Variants in UBE2U observed in about 807,000 individuals in gnomAD.
The protein encoded by UBE2U is ubiquitin-conjugating enzyme E2 U.
UBE2U carries 39 observed loss-of-function variants against 41.2 expected under a neutral mutation model. The observed-to-expected ratio is 0.95, with a 90% CI of 0.73 to 1.24. The LOEUF (loss-of-function observed/expected upper bound fraction) is 1.24. Among genes scored for constraint, UBE2U ranks in the 50% most tolerant of loss-of-function variants. The probability of loss-of-function intolerance (pLI) is 0.00; values close to 1 mark genes in which losing one functional copy is unlikely to be tolerated. For missense variants in UBE2U, 336 were observed against 363.1 expected (o/e 0.93, Z 0.61); for synonymous variants, 107 against 117.8 (o/e 0.91, Z 0.60).
chr1:64,235,309 G>T (rs1411939084), intron 7 of UBE2U, among the ~76,000 whole-genome samples: 1 of 152,190 alleles, frequency 6.6e-6, no homozygotes, highest in Non-Finnish European at 1.5e-5. Flanking sequence ...CTTGGTGCAT[G>T]ATTTCACAAT....
At position 64,244,529 on chromosome 1, in the gene UBE2U, C is replaced by A. The variant is rs149335542; in HGVS notation, c.677+2796C>A. 4.3e-3 allele frequency among the ~76,000 whole-genome samples: 657 copies of A among 152,204 alleles called. 4 individuals carry two copies. Among genetic ancestry groups the A allele is most frequent in the African/African-American group, 0.015 (625 of 41,526 alleles). On this transcript the variant is annotated intron_variant, in intron 8 of 9. Transcript: ENST00000371077. The stretch of plus-strand genomic sequence containing the variant: ...TCTTTTCTCAGGTTAGAAAACAACA[C>A]CTATCATAACTACATTTATTGTAGT...
chr1:64,217,814 G>T (rs1175666072), intron 5 of UBE2U, among the ~76,000 whole-genome samples: 1 of 152,132 alleles, frequency 6.6e-6, no homozygotes, highest in Non-Finnish European at 1.5e-5. Flanking sequence ...TAGGGAGATT[G>T]TAATACTAAT....
chr1:64,238,280 C>T (rs12079543), intron 7 of UBE2U, among the ~76,000 whole-genome samples: 2,122 of 152,008 alleles, frequency 0.014, 47 homozygotes, highest in African/African-American at 0.049. Context: ...TGGCGCATGC[C>T]TATAATTCCA....
chr1:64,207,002 A>T (rs917141146), intron 3 of UBE2U, 146 bp downstream of exon 3: 2 of 634,306 alleles, frequency 3.2e-6, no homozygotes, highest in African/African-American at 3.8e-5. Context: ...GGCTGGAAAA[A>T]ATTAGCAATC....
At chr1:64,218,041 C>T (rs1256871193) in intron 5 of UBE2U, among the ~76,000 whole-genome samples, 3 of 152,034 alleles carry the variant, frequency 2.0e-5, no homozygotes, top group East Asian at 1.9e-4. Flanking sequence ...TCCAGGTTGC[C>T]GTTTCTTTTT....
At chr1:64,249,271 A>C (rs1644968559) in intron 8 of UBE2U, among the ~76,000 whole-genome samples, 1 of 151,000 alleles carries the variant, frequency 6.6e-6, no homozygotes, top group Admixed American at 6.6e-5. Flanking sequence ...CTAGCTACTC[A>C]GGAGGCTGAA....
chr1:64,210,790 A>C lies in UBE2U; in HGVS notation c.290A>C (p.Glu97Ala). The C allele has an allele frequency of 6.2e-7, 1 of 1,608,218 alleles. No individual in the cohort carries two copies. The highest frequency in any genetic ancestry group is 8.5e-7 in the Non-Finnish European group (1 of 1,176,340). Residue 97 changes from glutamate to alanine, a missense_variant, in exon 4 of 10, where the codon GAG (glutamate) becomes GCG (alanine). Transcript: ENST00000371077. ...QPCIDFLDNP[E>A]KWNTNYTLSS... ...TGTATAGACTTTTTGGACAACCCTGAGAAGTGGAATACAAACTATACATTG... is the reference window on the plus strand; with the variant it reads ...TGTATAGACTTTTTGGACAACCCTGCGAAGTGGAATACAAACTATACATTG...
At chr1:64,213,257 A>T (rs1651769309) in intron 4 of UBE2U, among the ~76,000 whole-genome samples, 1 of 152,158 alleles carries the variant, frequency 6.6e-6, no homozygotes, top group Admixed American at 6.5e-5. Context: ...TTCAGATAAA[A>T]AAAACATTCA....
At chr1:64,257,102 C>T (rs1645106024) in intron 8 of UBE2U, among the ~76,000 whole-genome samples, 1 of 152,002 alleles carries the variant, frequency 6.6e-6, no homozygotes, top group African/African-American at 2.4e-5. Context: ...ATTAAAAAGT[C>T]AAAAAACAAC....
chr1:64,262,250 C>G (rs1473527543), intron 9 of UBE2U, among the ~76,000 whole-genome samples: 1 of 152,202 alleles, frequency 6.6e-6, no homozygotes, highest in African/African-American at 2.4e-5. Flanking sequence ...GCACTTCTAC[C>G]ATAGCCGTAT....
At chr1:64,239,964 G>A (rs1411578321) in intron 7 of UBE2U, among the ~76,000 whole-genome samples, 2 of 152,126 alleles carry the variant, frequency 1.3e-5, no homozygotes, top group African/African-American at 4.8e-5. Context: ...CACAATGGTT[G>A]AACTAGTTTA....
Position 64,232,627 on chromosome 1 carries a change from C to T in UBE2U, c.573C>T (p.Ala191=). The T allele has an allele frequency of 6.2e-7, 1 of 1,613,142 alleles. No individual in the cohort carries two copies. Among genetic ancestry groups the T allele is most frequent in the Non-Finnish European group, 8.5e-7 (1 of 1,179,412 alleles). ...GGTCCAGAATAGCTACATCAAAAGC[C>T]ACAGAATACTACAGAACTCCATGTA... ...QTWSRIATSK[A]TEYYRTPLLK... is the part of the protein sequence containing the mutation. Residue 191 remains alanine (A), a synonymous_variant, in exon 7 of 10, where the codon GCC becomes GCT. Transcript: ENST00000371077.
At chr1:64,207,972 TA>T (rs1341341123) in intron 3 of UBE2U, among the ~76,000 whole-genome samples, 1 of 151,364 alleles carries the variant, frequency 6.6e-6, no homozygotes, top group Non-Finnish European at 1.5e-5. Context: ...ATAAAGCAAT[TA>T]AAAAATGGAG....
At chr1:64,219,161 A>G (rs1178048945) in intron 5 of UBE2U, among the ~76,000 whole-genome samples, 1 of 152,210 alleles carries the variant, frequency 6.6e-6, no homozygotes, top group Non-Finnish European at 1.5e-5. Flanking sequence ...TAAAAATGTA[A>G]TTACGTTACT....
rs371445687 is a variant in UBE2U at position 64,215,691 on chromosome 1, A to G, written c.457+759A>G. On this transcript the variant is annotated intron_variant, in intron 5 of 9. Transcript: ENST00000371077. ...CCCCAGGAATTCCTTCTAAGAATCC[A>G]TGTGGAAATAGAGCCTGAAGCTCTT... Among the ~76,000 whole-genome samples, 42 of 152,310 alleles carry G rather than the reference A, an allele frequency of 2.8e-4. 4 individuals carry two copies. In the South Asian group the frequency reaches 5.0e-3, roughly 18 times the overall value.
chr1:64,213,753 C>T (rs1279262890), intron 4 of UBE2U, among the ~76,000 whole-genome samples: 2 of 152,202 alleles, frequency 1.3e-5, no homozygotes, highest in African/African-American at 4.8e-5. Flanking sequence ...AGGATACATT[C>T]TGAGAAATGA....
At chr1:64,228,855 A>ATTT (rs56873849) in intron 6 of UBE2U, among the ~76,000 whole-genome samples, 21 of 93,880 alleles carry the variant, frequency 2.2e-4, no homozygotes, top group East Asian at 9.4e-4. Context: ...TGCCCAGGTA[A>ATTT]TTTTTTTTTT....
At chr1:64,239,056 A>AAGAG (rs1557729220) in intron 7 of UBE2U, among the ~76,000 whole-genome samples, 4 of 65,984 alleles carry the variant, frequency 6.1e-5, no homozygotes, top group East Asian at 2.5e-4. Context: ...AAGAAGAAGA[A>AAGAG]GAAGAAGAAG....
chr1:64,254,941 A>C (rs189190840), intron 8 of UBE2U, among the ~76,000 whole-genome samples: 1 of 152,316 alleles, frequency 6.6e-6, no homozygotes, highest in East Asian at 1.9e-4. Context: ...ACTGAATGAG[A>C]TAGAGACACA....
Sources: gnomAD v4.1 joint callset for allele counts (sites outside exome capture counted in the v4.1 genomes callset) on GRCh38, gnomAD v4.1.1 for gene constraint, MANE v1.5 for transcripts, NCBI Gene and HGNC (gene_info 2026-07-23, HGNC 2026-07-21) for gene names.